The following DCC variants were observed in gnomAD, a reference collection of about 807,000 sequenced individuals.
The protein encoded by DCC is netrin receptor DCC.
DCC carries 58 observed loss-of-function variants against 172.5 expected under a neutral mutation model. The observed-to-expected ratio is 0.34, with a 90% CI of 0.27 to 0.42. DCC has a LOEUF of 0.42. Among genes scored for constraint, DCC ranks in the 10% least tolerant of loss-of-function variants. The pLI is 1.00. For synonymous variants in DCC, 709 were observed against 644.5 expected (o/e 1.10, Z -1.52); for missense variants, 1,740 against 1,791.0 (o/e 0.97, Z 0.51).
chr18:53,273,175 G>C (rs574932223), intron 12 of DCC, among the ~76,000 whole-genome samples: 1 of 152,222 alleles, frequency 6.6e-6, no homozygotes, highest in Non-Finnish European at 1.5e-5. Context: ...TTATATTTAA[G>C]ACATCACAAT....
intron 2 of DCC, among the ~76,000 whole-genome samples, chr18:52,777,215 C>T (rs2037450403): frequency 6.6e-6 from 1 of 152,178 alleles, no homozygotes. Context: ...GCTGCCATAA[C>T]AAACTGGATG....
At chr18:52,589,209 T>C (rs570395827) in intron 1 of DCC, among the ~76,000 whole-genome samples, 1 of 152,314 alleles carries the variant, frequency 6.6e-6, no homozygotes, top group South Asian at 2.1e-4. Flanking sequence ...GTGAGACAGC[T>C]TGACAAAAGC....
At chr18:52,609,175 C>T (rs972280467) in intron 1 of DCC, among the ~76,000 whole-genome samples, 3 of 151,898 alleles carry the variant, frequency 2.0e-5, no homozygotes, top group Non-Finnish European at 2.9e-5. Context: ...CCTCTTTTGC[C>T]GAGGTACAAC....
At chr18:53,351,445 A>G (rs1165224922) in intron 15 of DCC, among the ~76,000 whole-genome samples, 16 of 45,908 alleles carry the variant, frequency 3.5e-4, no homozygotes, top group African/African-American at 1.5e-3. Context: ...TATACAGTGT[A>G]TATATATATA....
intron 1 of DCC, among the ~76,000 whole-genome samples, chr18:52,445,227 T>TC (rs1381535472): frequency 6.6e-6 from 1 of 152,142 alleles, no homozygotes; most frequent in African/African-American, 2.4e-5. Context: ...GGCAGCACGC[T>TC]CCATTCAACA....
Position 52,871,864 on chromosome 18 carries a change from CATT to C in DCC, c.413-34178_413-34176del. ...GATAATCACTCAAATTCTTTTCTCT[CATT>C]AATCAAGATTTTGCAGAGCAAAAAG... On this transcript the variant is annotated intron_variant, in intron 2 of 28. Transcript: ENST00000442544. 2.0e-5 allele frequency among the ~76,000 whole-genome samples: 3 copies of C among 152,270 alleles called. 1 individual carries two copies. The highest frequency in any genetic ancestry group is 2.0e-4 in the Admixed American group (3 of 15,294).
intron 9 of DCC, among the ~76,000 whole-genome samples, chr18:53,198,431 AGCTCTCTC>A (rs2055482346): frequency 8.8e-6 from 1 of 113,350 alleles, no homozygotes; most frequent in Non-Finnish European, 2.1e-5. Flanking sequence ...TAAACTGAGC[AGCTCTCTC>A]TCTCTCTCTC....
At position 53,410,502 on chromosome 18, in the gene DCC, A is replaced by C; in HGVS notation, c.2986A>C (p.Ile996Leu). 5 of 1,610,138 alleles carry C rather than the reference A, an allele frequency of 3.1e-6. No homozygotes were observed. Among genetic ancestry groups the C allele is most frequent in the Non-Finnish European group, 4.3e-6 (5 of 1,176,406 alleles). ...LDKNIPIDDW[I>L]METISGDRLT... ...CAAGAACATCCCAATTGATGACTGG[A>C]TTATGGAAACAATCAGTGGTGATAG... Residue 996 changes from isoleucine to leucine, a missense_variant, in exon 20 of 29, where the codon ATT (isoleucine) becomes CTT (leucine). This residue lies in a region of DCC where 1,732 missense variants were observed against 1,767.4 expected (regional missense o/e 0.98). Transcript: ENST00000442544.
intron 2 of DCC, among the ~76,000 whole-genome samples, chr18:52,825,874 G>A (rs987192074): frequency 2.0e-5 from 3 of 152,156 alleles, no homozygotes; most frequent in Admixed American, 6.5e-5. Context: ...GCATGCCCAG[G>A]AGGCAAAATA....
At chr18:53,065,300 T>G (rs2042550002) in intron 6 of DCC, among the ~76,000 whole-genome samples, 1 of 152,226 alleles carries the variant, frequency 6.6e-6, no homozygotes, top group Admixed American at 6.5e-5. Flanking sequence ...ACTTAACTAA[T>G]TCTTACACTA....
chr18:53,392,043 T>C (rs1908582442), intron 17 of DCC, among the ~76,000 whole-genome samples, 156 bp downstream of exon 17: 1 of 152,148 alleles, frequency 6.6e-6, no homozygotes, highest in African/African-American at 2.4e-5. Context: ...AAGATTAACA[T>C]GAGAATAATT....
At chr18:52,508,077 G>A (rs1231098737) in intron 1 of DCC, among the ~76,000 whole-genome samples, 1 of 150,572 alleles carries the variant, frequency 6.6e-6, no homozygotes, top group Non-Finnish European at 1.5e-5. Context: ...TCCAGCCTGG[G>A]TGACAGAGCA....
At chr18:53,356,517 G>A (rs1294506281) in intron 15 of DCC, among the ~76,000 whole-genome samples, 4 of 152,120 alleles carry the variant, frequency 2.6e-5, no homozygotes, top group African/African-American at 9.7e-5. Context: ...TGTTACTAGA[G>A]TACTGGGGAT....
At chr18:53,081,521 GAAAA>G (rs879788004) in intron 7 of DCC, among the ~76,000 whole-genome samples, 1 of 140,214 alleles carries the variant, frequency 7.1e-6, no homozygotes, top group African/African-American at 2.6e-5. Context: ...GGATTAAAAA[GAAAA>G]AAAAAAAGAC....
chr18:53,301,741 G>A (rs1189243068), intron 12 of DCC, among the ~76,000 whole-genome samples: 1 of 151,938 alleles, frequency 6.6e-6, no homozygotes, highest in Non-Finnish European at 1.5e-5. Context: ...TCAGGATTTG[G>A]TGCTGACACA....
chr18:53,447,398 G>A (rs1348859831), intron 22 of DCC, among the ~76,000 whole-genome samples: 2 of 152,154 alleles, frequency 1.3e-5, no homozygotes, highest in Non-Finnish European at 2.9e-5. Context: ...ATAAAGGCCT[G>A]CAGTCAAAGA....
At chr18:52,500,722 T>A (rs1252243404) in intron 1 of DCC, among the ~76,000 whole-genome samples, 1 of 152,200 alleles carries the variant, frequency 6.6e-6, no homozygotes, top group African/African-American at 2.4e-5. Context: ...CAAAGCTTTT[T>A]CATAATGTCT....
At chr18:52,769,960 C>G (rs944480416) in intron 2 of DCC, among the ~76,000 whole-genome samples, 24 of 152,154 alleles carry the variant, frequency 1.6e-4, no homozygotes, top group Non-Finnish European at 8.8e-5. Context: ...CAAACAGAAA[C>G]TGCCATCATC....
chr18:52,988,588 A>T (rs893657201), intron 5 of DCC, among the ~76,000 whole-genome samples: 1 of 152,054 alleles, frequency 6.6e-6, no homozygotes, highest in Non-Finnish European at 1.5e-5. Context: ...CCATTGTTTT[A>T]AAAAAACATG....
Sources: gnomAD v4.1 joint callset for allele counts (sites outside exome capture counted in the v4.1 genomes callset) on GRCh38, gnomAD v4.1.1 for gene constraint, gnomAD v4.1.1 regional missense constraint, MANE v1.5 for transcripts, NCBI Gene and HGNC (gene_info 2026-07-23, HGNC 2026-07-21) for gene names.